Variants in ARHGAP8 observed in about 807,000 individuals in gnomAD.
ARHGAP8 encodes rho GTPase-activating protein 8.
Under a neutral mutation model 46.1 loss-of-function variants are expected in ARHGAP8, and 62 were observed. That is an observed-to-expected ratio of 1.34 (90% CI 1.10 to 1.66). The LOEUF (loss-of-function observed/expected upper bound fraction) is 1.66, where lower values mean the gene tolerates loss of function less well. Among genes scored for constraint, ARHGAP8 ranks in the 40% most tolerant of loss-of-function variants. The pLI is 0.00. For synonymous variants in ARHGAP8, 375 were observed against 243.1 expected (o/e 1.54, Z -5.05); for missense variants, 923 against 568.4 (o/e 1.62, Z -6.34).
At chr22:44,759,026 T>A (rs1602137016) in intron 1 of ARHGAP8, among the ~76,000 whole-genome samples, 1 of 152,276 alleles carries the variant, frequency 6.6e-6, no homozygotes, top group East Asian at 1.9e-4. Context: ...AGGCCCCAGC[T>A]GCATCCACTT....
intron 1 of ARHGAP8, among the ~76,000 whole-genome samples, chr22:44,756,315 A>G (rs1924668020): frequency 6.6e-6 from 1 of 152,154 alleles, no homozygotes; most frequent in East Asian, 1.9e-4. Flanking sequence ...ATCACAGGAA[A>G]GGTTGACCCC....
intron 1 of ARHGAP8, among the ~76,000 whole-genome samples, chr22:44,782,468 G>A (rs1380017613): frequency 1.3e-5 from 2 of 152,132 alleles, no homozygotes; most frequent in African/African-American, 4.8e-5. Context: ...TCACCCCAGT[G>A]GGAAACTCCC....
At position 44,862,608 on chromosome 22, in the gene ARHGAP8, T is replaced by G. The variant is rs770913517; in HGVS notation, c.*13T>G. The G allele has an allele frequency of 1.4e-5, 21 of 1,531,952 alleles. No individual in the cohort carries two copies. The Admixed American group carries it at 4.2e-4, about 30-fold the overall frequency. 94.9% of individuals were successfully genotyped at this position (1,531,952 alleles called of 1,614,324 possible). On this transcript the variant is annotated 3_prime_UTR_variant, in exon 12 of 12. Transcript: ENST00000356099. ...AAGACGTCTCTAGTGTTGCGAACAC[T>G]CTGTATATTTCGAGCTACCTCCCAC...
chr22:44,814,901 G>A, intron 5 of ARHGAP8, 143 bp downstream of exon 5: 5 of 924,846 alleles, frequency 5.4e-6, no homozygotes, highest in Non-Finnish European at 6.4e-6. Context: ...CCCGCCCTGG[G>A]GTCTGCGGGG....
intron 3 of ARHGAP8, among the ~76,000 whole-genome samples, chr22:44,807,112 G>A (rs1928984557): frequency 6.6e-6 from 1 of 152,220 alleles, no homozygotes; most frequent in Admixed American, 6.5e-5. Flanking sequence ...TCTGTCTGCA[G>A]AGCACCCCAC....
At chr22:44,821,129 A>C (rs1470978479) in intron 5 of ARHGAP8, among the ~76,000 whole-genome samples, 1 of 152,158 alleles carries the variant, frequency 6.6e-6, no homozygotes, top group Non-Finnish European at 1.5e-5. Flanking sequence ...TTCTTTACCC[A>C]CATTAATAGT....
Position 44,845,342 on chromosome 22 carries a change from G to T in ARHGAP8, c.670G>T (p.Gly224Cys). The change falls in exon 8 of 12, where the codon GGC becomes TGC. Residue 224 changes from glycine to cysteine, a missense_variant and splice_region_variant. Coordinates refer to ENST00000356099, the MANE Select transcript of ARHGAP8 (RefSeq NM_181335.3). ...RFTVTYLREKGLRTEGLFRRS... is the reference protein window; with the variant it reads ...RFTVTYLREKCLRTEGLFRRS... ...CACAGTGACGTACCTGAGAGAGAAAGGTGAGACGGGGCCGGCTCCAGCTGG... is the reference window on the plus strand; with the variant it reads ...CACAGTGACGTACCTGAGAGAGAAATGTGAGACGGGGCCGGCTCCAGCTGG... 4 of 1,614,092 alleles carry T rather than the reference G, an allele frequency of 2.5e-6. No homozygotes were observed. Among genetic ancestry groups the T allele is most frequent in the Non-Finnish European group, 3.4e-6 (4 of 1,179,984 alleles).
intron 1 of ARHGAP8, among the ~76,000 whole-genome samples, chr22:44,772,353 T>TTTC (rs544021560): frequency 3.5e-5 from 1 of 28,670 alleles, no homozygotes; most frequent in East Asian, 1.7e-3. Flanking sequence ...TTCTTTTTTC[T>TTTC]TTTTTTTTTT....
At chr22:44,817,681 A>G (rs909894563) in intron 5 of ARHGAP8, among the ~76,000 whole-genome samples, 1 of 152,074 alleles carries the variant, frequency 6.6e-6, no homozygotes, top group African/African-American at 2.4e-5. Flanking sequence ...GTGGGCGCGT[A>G]TAATCCCAGC....
chr22:44,772,101 A>G (rs1209199551), intron 1 of ARHGAP8, among the ~76,000 whole-genome samples: 1 of 148,742 alleles, frequency 6.7e-6, no homozygotes, highest in Non-Finnish European at 1.5e-5. Flanking sequence ...GCTAGTTTTT[A>G]TTATGAGTGA....
chr22:44,822,602 G>A (rs753138201), intron 6 of ARHGAP8, 133 bp downstream of exon 6: 17 of 778,034 alleles, frequency 2.2e-5, no homozygotes, highest in Middle Eastern at 3.1e-4. Flanking sequence ...AGAAATCTGC[G>A]GCATCGACAA....
At chr22:44,768,224 T>A (rs1004795547) in intron 1 of ARHGAP8, among the ~76,000 whole-genome samples, 6 of 152,026 alleles carry the variant, frequency 3.9e-5, no homozygotes, top group African/African-American at 1.2e-4. Context: ...CTCGAACTCC[T>A]GACCTCGTGA....
At chr22:44,792,309 C>T (rs1927752699) in intron 2 of ARHGAP8, among the ~76,000 whole-genome samples, 1 of 152,130 alleles carries the variant, frequency 6.6e-6, no homozygotes, top group South Asian at 2.1e-4. Context: ...TGCACCCGGC[C>T]TCCAGTTGCT....
rs1356589012 is a variant in ARHGAP8, at chr22:44,833,091, CTTTTCTT to C, written c.596+7503_596+7509del. 3.6e-3 allele frequency among the ~76,000 whole-genome samples: 453 copies of C among 126,812 alleles called. 1 individual carries two copies. Among genetic ancestry groups the C allele is most frequent in the African/African-American group, 0.014 (442 of 31,580 alleles). 83.2% of individuals were successfully genotyped at this position (126,812 alleles called of 152,430 possible). On this transcript the variant is annotated intron_variant, in intron 7 of 11. Coordinates refer to ENST00000356099, the MANE Select transcript of ARHGAP8 (RefSeq NM_181335.3). ...AGAACCATCTTTTTTCTTTTCTTTT[CTTTTCTT>C]TTTTTTTTTTTTTTTTGAGATAGAG... is the stretch of plus-strand genomic sequence containing the variant.
chr22:44,792,001 TTTTTC>T (rs1396260192), intron 2 of ARHGAP8, among the ~76,000 whole-genome samples: 2 of 148,098 alleles, frequency 1.4e-5, no homozygotes, highest in East Asian at 4.1e-4. Flanking sequence ...CTTTTTCTTC[TTTTTC>T]TTCTTTCTTT....
At chr22:44,818,435 G>A (rs1342439105) in intron 5 of ARHGAP8, among the ~76,000 whole-genome samples, 1 of 126,456 alleles carries the variant, frequency 7.9e-6, no homozygotes, top group East Asian at 2.6e-4. Context: ...GGCAACAAGA[G>A]TGAGACTCCA....
rs888374777 is a variant in ARHGAP8 at position 44,816,043 on chromosome 22, A to G, written c.386+1285A>G. Reference sequence around the variant, plus strand: ...AGGACTCCTGGAGGGCCTCCCTAGGATGAAGCCTCTGGGGACAGGGAGGCG... The same window carrying G: ...AGGACTCCTGGAGGGCCTCCCTAGGGTGAAGCCTCTGGGGACAGGGAGGCG... On this transcript the variant is annotated intron_variant, in intron 5 of 11. Transcript: ENST00000356099. 8.6e-5 allele frequency among the ~76,000 whole-genome samples: 13 copies of G among 151,922 alleles called. 1 individual carries two copies. The highest frequency in any genetic ancestry group is 2.9e-5 in the Non-Finnish European group (2 of 67,984).
chr22:44,757,374 T>G (rs777292062), intron 1 of ARHGAP8, among the ~76,000 whole-genome samples: 1 of 149,406 alleles, frequency 6.7e-6, no homozygotes, highest in Non-Finnish European at 1.5e-5. Context: ...GCGTCCCGGG[T>G]TCAAGCTATT....
At chr22:44,774,769 A>G (rs1181735787) in intron 1 of ARHGAP8, among the ~76,000 whole-genome samples, 14 of 149,652 alleles carry the variant, frequency 9.4e-5, no homozygotes, top group Non-Finnish European at 1.5e-4. Context: ...TGCTCCACCC[A>G]CCTCAGCCTC....
Sources: allele counts gnomAD v4.1 joint callset (sites outside exome capture counted in the v4.1 genomes callset), GRCh38; gene constraint gnomAD v4.1.1; transcripts MANE v1.5; gene names NCBI Gene and HGNC (gene_info 2026-07-23, HGNC 2026-07-21).